FHIT: variants seen among roughly 807,000 people sequenced by gnomAD.
FHIT encodes bis(5'-adenosyl)-triphosphatase.
In FHIT, 19 loss-of-function variants were observed where a neutral mutation model predicts 17.9. The observed-to-expected ratio is 1.06, with a 90% CI of 0.74 to 1.56. The LOEUF (loss-of-function observed/expected upper bound fraction) is 1.56. FHIT is among the 40% of genes most tolerant of loss of function. The pLI is 0.00. For missense variants in FHIT, 248 were observed against 189.2 expected, an observed-to-expected ratio of 1.31 and a Z score of -1.82; for synonymous variants, 81 against 69.7, an observed-to-expected ratio of 1.16 and a Z score of -0.81.
chr3:60,088,138 A>G (rs1703576623), intron 5 of FHIT, among the ~76,000 whole-genome samples: 1 of 152,184 alleles, frequency 6.6e-6, no homozygotes, highest in African/African-American at 2.4e-5. Flanking sequence ...ACAAGGTGCT[A>G]GTCTCTTTTC....
chr3:60,125,847 A>C (rs1705523808), intron 5 of FHIT, among the ~76,000 whole-genome samples: 1 of 152,198 alleles, frequency 6.6e-6, no homozygotes, highest in Admixed American at 6.5e-5. Flanking sequence ...TGCTTTGAAG[A>C]AACAATCTAA....
At chr3:61,205,794 T>C (rs1426100611) in intron 1 of FHIT, among the ~76,000 whole-genome samples, 2 of 151,968 alleles carry the variant, frequency 1.3e-5, no homozygotes, top group Non-Finnish European at 2.9e-5. Context: ...TGGTAGTTTC[T>C]TTTGCTGTGC....
chr3:60,719,917 A>C (rs1261239446), intron 4 of FHIT, among the ~76,000 whole-genome samples: 2 of 152,016 alleles, frequency 1.3e-5, no homozygotes, highest in East Asian at 3.9e-4. Context: ...TGGCCACTCA[A>C]CTCATTACAA....
chr3:60,642,333 C>G (rs1290304968), intron 4 of FHIT, among the ~76,000 whole-genome samples: 1 of 152,222 alleles, frequency 6.6e-6, no homozygotes, highest in African/African-American at 2.4e-5. Context: ...TTCAAAGCCA[C>G]AGTTAGTTAG....
intron 5 of FHIT, among the ~76,000 whole-genome samples, chr3:60,055,711 A>C (rs567031699): frequency 6.6e-6 from 1 of 152,270 alleles, no homozygotes; most frequent in Admixed American, 6.5e-5. Context: ...CAGATTTTTC[A>C]CCATTTTATA....
intron 8 of FHIT, among the ~76,000 whole-genome samples, chr3:59,771,969 A>G (rs1186818467): frequency 6.6e-6 from 1 of 152,196 alleles, no homozygotes; most frequent in Middle Eastern, 3.2e-3. Flanking sequence ...CACAGCTTTA[A>G]AGCCCACAAA....
intron 8 of FHIT, among the ~76,000 whole-genome samples, chr3:59,831,758 C>A (rs879924964): frequency 6.6e-6 from 1 of 152,012 alleles, no homozygotes; most frequent in African/African-American, 2.4e-5. Flanking sequence ...TGGAAATAAC[C>A]TGTAACCAGA....
At chr3:60,171,140 C>T (rs1220556308) in intron 5 of FHIT, among the ~76,000 whole-genome samples, 3 of 152,124 alleles carry the variant, frequency 2.0e-5, no homozygotes, top group Non-Finnish European at 2.9e-5. Context: ...CTTTATCTTG[C>T]TTTTCTTTTT....
intron 5 of FHIT, among the ~76,000 whole-genome samples, chr3:60,418,372 G>GTA (rs1702329878): frequency 5.6e-4 from 3 of 5,336 alleles, no homozygotes; most frequent in Non-Finnish European, 6.9e-3. Flanking sequence ...GTATCTGAAT[G>GTA]TGTGTATATA....
chr3:60,048,308 C>G (rs764155985), intron 5 of FHIT, among the ~76,000 whole-genome samples: 3 of 152,160 alleles, frequency 2.0e-5, no homozygotes, highest in Non-Finnish European at 2.9e-5. Context: ...TCCCGAGTAG[C>G]TGGGACTACG....
intron 7 of FHIT, among the ~76,000 whole-genome samples, chr3:59,942,874 C>T (rs1190296893): frequency 6.6e-6 from 1 of 152,038 alleles, no homozygotes; most frequent in Non-Finnish European, 1.5e-5. Context: ...CTCTCAAACT[C>T]CTGGGCTCAA....
In FHIT at chr3:61,212,980, T is replaced by G. The variant is rs567490806; in HGVS notation, c.-212-12315A>C. ...TGAGAGATTTTCTCACCACCAGGCC[T>G]GCCCTAAAAGAGCTCCTGAAGGAAG... is the stretch of plus-strand genomic sequence containing the variant. On this transcript the variant is annotated intron_variant, in intron 1 of 9. Transcript: ENST00000492590. 4.6e-5 allele frequency among the ~76,000 whole-genome samples: 7 copies of G among 152,260 alleles called. No homozygotes were observed. The East Asian group carries it at 9.6e-4, about 21-fold the overall frequency.
chr3:59,794,302 C>T (rs1376841177), intron 8 of FHIT, among the ~76,000 whole-genome samples: 2 of 152,184 alleles, frequency 1.3e-5, no homozygotes, highest in African/African-American at 4.8e-5. Context: ...TCTGAAATGG[C>T]ACCAATTGAA....
At chr3:61,211,687 T>C (rs915035400) in intron 1 of FHIT, among the ~76,000 whole-genome samples, 1 of 152,206 alleles carries the variant, frequency 6.6e-6, no homozygotes, top group Non-Finnish European at 1.5e-5. Flanking sequence ...GATCTGAGAA[T>C]GGGGAGACTG....
intron 2 of FHIT, among the ~76,000 whole-genome samples, chr3:61,176,681 A>T (rs1322490104): frequency 6.6e-6 from 1 of 152,208 alleles, no homozygotes; most frequent in Non-Finnish European, 1.5e-5. Context: ...GATGCCATCT[A>T]ACCAGTTATA....
chr3:60,515,575 T>C (rs2035121454), intron 5 of FHIT, among the ~76,000 whole-genome samples: 1 of 106,066 alleles, frequency 9.4e-6, no homozygotes, highest in African/African-American at 3.7e-5. Flanking sequence ...GGGCTTTAAT[T>C]TAAAAAAAAA....
At chr3:60,282,073 G>T (rs1181903632) in intron 5 of FHIT, among the ~76,000 whole-genome samples, 1 of 152,114 alleles carries the variant, frequency 6.6e-6, no homozygotes, top group South Asian at 2.1e-4. Flanking sequence ...TGGTAAAATG[G>T]TATAGCCACT....
At chr3:60,614,899 G>A (rs1559583798) in intron 4 of FHIT, among the ~76,000 whole-genome samples, 2 of 132,886 alleles carry the variant, frequency 1.5e-5, no homozygotes, top group African/African-American at 2.8e-5. Flanking sequence ...GCATGATCTC[G>A]GCTCACTACA....
chr3:59,807,739 G>A (rs2107022451), intron 8 of FHIT, among the ~76,000 whole-genome samples: 1 of 152,282 alleles, frequency 6.6e-6, no homozygotes, highest in Non-Finnish European at 1.5e-5. Context: ...GGGACACAGG[G>A]TGAGTAGTCA....
Sources: allele counts gnomAD v4.1 joint callset (sites outside exome capture counted in the v4.1 genomes callset), GRCh38; gene constraint gnomAD v4.1.1; transcripts MANE v1.5; gene names NCBI Gene and HGNC (gene_info 2026-07-23, HGNC 2026-07-21).